Variants in SMC4 observed in about 807,000 individuals in gnomAD.
The protein encoded by SMC4 is structural maintenance of chromosomes protein 4.
A neutral mutation model predicts 145.6 loss-of-function variants in SMC4; 87 were observed. That is an observed-to-expected ratio of 0.60 (90% CI 0.50 to 0.71). SMC4 has a LOEUF of 0.71. Ranked by LOEUF, SMC4 falls within the 30% of genes least tolerant of loss-of-function variation. The pLI is 0.00. For synonymous variants in SMC4, 558 were observed against 500.7 expected, an observed-to-expected ratio of 1.11 and a Z score of -1.53; for missense variants, 1,447 against 1,537.1, an observed-to-expected ratio of 0.94 and a Z score of 0.98.
intron 5 of SMC4, among the ~76,000 whole-genome samples, chr3:160,406,738 T>TA (rs1715372745): frequency 6.6e-6 from 1 of 152,202 alleles, no homozygotes; most frequent in Non-Finnish European, 1.5e-5. Context: ...TCAGTGTTAA[T>TA]ATATTCGCTT....
intron 12 of SMC4, among the ~76,000 whole-genome samples, chr3:160,419,910 T>C (rs1305623660): frequency 2.0e-5 from 3 of 152,070 alleles, no homozygotes; most frequent in African/African-American, 7.2e-5. Flanking sequence ...TTCAAGTCCA[T>C]CCTGGGCAAT....
chr3:160,413,762 C>G (rs1304696529), intron 8 of SMC4, 149 bp downstream of exon 8: 2 of 486,324 alleles, frequency 4.1e-6, no homozygotes, highest in Non-Finnish European at 7.1e-6. Context: ...AAAAACTTGC[C>G]TTGCATCCAG....
At chr3:160,419,252 G>T in intron 11 of SMC4, 106 bp from the exon 12 acceptor site, 1 of 744,108 alleles carries the variant, frequency 1.3e-6, no homozygotes, top group South Asian at 2.8e-5. Context: ...TTTATTGTTG[G>T]TCTTTCTTTC....
intron 3 of SMC4, 83 bp from the exon 4 acceptor site, chr3:160,402,593 A>T: frequency 7.1e-7 from 1 of 1,414,088 alleles, no homozygotes; most frequent in Non-Finnish European, 9.6e-7. Flanking sequence ...AAGTAAAAAA[A>T]TCTAACAGTT....
chr3:160,432,578 A>C, intron 22 of SMC4, 63 bp downstream of exon 22: 6 of 1,082,034 alleles, frequency 5.5e-6, no homozygotes, highest in Non-Finnish European at 7.9e-6. Flanking sequence ...CTCCAAACTC[A>C]GTATTTCTTG....
intron 5 of SMC4, among the ~76,000 whole-genome samples, chr3:160,411,258 C>G (rs1212290837): frequency 6.6e-6 from 1 of 152,120 alleles, no homozygotes; most frequent in African/African-American, 2.4e-5. Flanking sequence ...CATTAGTTTT[C>G]TCTAGTCAAG....
chr3:160,422,226 A>G (rs948462290), intron 13 of SMC4, among the ~76,000 whole-genome samples: 1 of 152,232 alleles, frequency 6.6e-6, no homozygotes, highest in African/African-American at 2.4e-5. Flanking sequence ...TACCTAGGGT[A>G]GAACTGCTGG....
Position 160,412,020 on chromosome 3 carries a change from T to C in SMC4, c.788T>C (p.Leu263Pro), listed in dbSNP as rs1716043334. 1 of 1,613,688 alleles carries C rather than the reference T, an allele frequency of 6.2e-7. No homozygotes were observed. Among genetic ancestry groups the C allele is most frequent in the Non-Finnish European group, 8.5e-7 (1 of 1,179,782 alleles). ...YLEDIIGCGR[L>P]NEPIKVLCRR... is the part of the protein sequence containing the mutation. ...GAAGATATAATTGGTTGTGGACGGC[T>C]AAATGAACCTATTAAAGTCTTGTGT... is the stretch of plus-strand genomic sequence containing the variant. Residue 263 changes from leucine to proline, a missense_variant, in exon 6 of 24, where the codon CTA becomes CCA. Leu to Pro is a moderately conservative substitution (Grantham distance 98, BLOSUM62 -3). Transcript: ENST00000357388.
chr3:160,414,574 C>T (rs766676947), intron 9 of SMC4, 57 bp downstream of exon 9: 1 of 1,484,798 alleles, frequency 6.7e-7, no homozygotes, highest in South Asian at 1.2e-5. Context: ...ACCTAGTTTT[C>T]ATGGATGTGT....
chr3:160,407,459 G>A (rs559196396), intron 5 of SMC4, among the ~76,000 whole-genome samples: 6 of 152,200 alleles, frequency 3.9e-5, no homozygotes, highest in African/African-American at 1.4e-4. Flanking sequence ...AGGCTGAGGT[G>A]GGAGGACTGC....
chr3:160,411,280 G>A (rs1715964598), intron 5 of SMC4, among the ~76,000 whole-genome samples: 1 of 152,138 alleles, frequency 6.6e-6, no homozygotes, highest in South Asian at 2.1e-4. Context: ...TGGTCTGTTT[G>A]ATTTCTGTTA....
At chr3:160,412,144 T>C (rs1035211206) in intron 6 of SMC4, 60 bp downstream of exon 6, 39 of 1,553,830 alleles carry the variant, frequency 2.5e-5, no homozygotes, top group Non-Finnish European at 3.4e-5. Flanking sequence ...TCTAACAAAT[T>C]TTAGTAAGTC....
Position 160,432,631 on chromosome 3 carries a change from C to T in SMC4, c.3530+116C>T, listed in dbSNP as rs1012213579. Reference sequence around the variant, plus strand: ...CAAGATGTACAACTTGTTTCATTTACTAGTAAATACTAATTTGCTTGCATG... The same window carrying T: ...CAAGATGTACAACTTGTTTCATTTATTAGTAAATACTAATTTGCTTGCATG... On this transcript the variant is annotated intron_variant, in intron 22 of 23. Transcript: ENST00000357388. 2.6e-5 allele frequency: 17 copies of T among 655,766 alleles called. No individual in the cohort carries two copies. The African/African-American group carries it at 2.9e-4, about 11-fold the overall frequency. 40.6% of individuals were successfully genotyped at this position (655,766 alleles called of 1,614,324 possible).
Position 160,433,750 on chromosome 3 carries a change from A to G in SMC4, c.3808A>G (p.Asn1270Asp), listed in dbSNP as rs921361139. The G allele has an allele frequency of 6.2e-7, 1 of 1,601,538 alleles. No homozygotes were observed. The highest frequency in any genetic ancestry group is 2.2e-5 in the East Asian group (1 of 44,514). Reference protein sequence around the residue: ...DRLIGIYKTYNITKSVAVNPK... With the variant: ...DRLIGIYKTYDITKSVAVNPK... ...ACTTATTGGAATTTACAAGACATAC[A>G]ACATAACAAAAAGTGTTGCTGTAAA... The change falls in exon 24 of 24, where the codon AAC (asparagine) becomes GAC (aspartate). Residue 1270 changes from asparagine to aspartate, a missense_variant. By Grantham distance (23) the Asn-to-Asp change is conservative. Coordinates refer to ENST00000357388, the MANE Select transcript of SMC4 (RefSeq NM_001002800.3).
chr3:160,431,350 G>C (rs1718383062), intron 20 of SMC4, 145 bp downstream of exon 20: 1 of 696,450 alleles, frequency 1.4e-6, no homozygotes, highest in South Asian at 2.2e-5. Context: ...CACTTCTAAG[G>C]TTTATAGGGG....
At chr3:160,413,721 A>AATTCGT in intron 8 of SMC4, 108 bp downstream of exon 8, 1 of 672,456 alleles carries the variant, frequency 1.5e-6, no homozygotes. Flanking sequence ...ATTTGCCAGC[A>AATTCGT]TATCAAGTGG....
rs1409027124 is a variant in SMC4 at position 160,424,939 on chromosome 3, C to A, written c.2398C>A (p.Leu800Ile). 1 of 1,613,526 alleles carries A rather than the reference C, an allele frequency of 6.2e-7. No homozygotes were observed. Among genetic ancestry groups the A allele is most frequent in the East Asian group, 2.2e-5 (1 of 44,862 alleles). The change falls in exon 16 of 24, where the codon CTT (leucine) becomes ATT (isoleucine). Residue 800 changes from leucine (L) to isoleucine (I), a missense_variant. Physicochemically the swap from Leu to Ile is conservative, Grantham distance 5. Coordinates refer to ENST00000357388, the MANE Select transcript of SMC4 (RefSeq NM_001002800.3). Reference sequence around the variant, plus strand: ...GCAAATCCAAGAACAGAAAGTACAACTTGAAGAAAGAGTAGTTAAGTTACG... The same window carrying A: ...GCAAATCCAAGAACAGAAAGTACAAATTGAAGAAAGAGTAGTTAAGTTACG... The part of the protein sequence containing the change: ...AMQIQEQKVQ[L>I]EERVVKLRHS...
intron 22 of SMC4, 195 bp downstream of exon 22, chr3:160,432,710 G>A: frequency 1.9e-6 from 1 of 535,356 alleles, no homozygotes. Flanking sequence ...CAAAATATTT[G>A]TCTAGTTCAT....
chr3:160,415,913 A>G (rs536650102), intron 9 of SMC4, among the ~76,000 whole-genome samples: 1 of 152,374 alleles, frequency 6.6e-6, no homozygotes, highest in South Asian at 2.1e-4. Context: ...AGGATAGTTT[A>G]GAAAATTCCG....
Sources: gnomAD v4.1 joint callset for allele counts (sites outside exome capture counted in the v4.1 genomes callset) on GRCh38, gnomAD v4.1.1 for gene constraint, MANE v1.5 for transcripts, NCBI Gene and HGNC (gene_info 2026-07-23, HGNC 2026-07-21) for gene names.